The following TRPM5 variants were observed in gnomAD, a reference collection of about 807,000 sequenced individuals.
TRPM5 encodes transient receptor potential cation channel subfamily M member 5, also known as MLSN1 and TRP-related.
In TRPM5, 121 loss-of-function variants were observed where a neutral mutation model predicts 124.9. The observed-to-expected ratio is 0.97, with a 90% CI of 0.84 to 1.13. The LOEUF (loss-of-function observed/expected upper bound fraction) is 1.13, where lower values mean the gene tolerates loss of function less well. TRPM5 is among the 50% of genes most tolerant of loss of function. The pLI, the probability that TRPM5 is intolerant of heterozygous loss-of-function variation, is 0.00. For missense variants in TRPM5, 1,643 were observed against 1,589.1 expected (o/e 1.03, Z -0.58); for synonymous variants, 781 against 700.5 (o/e 1.11, Z -1.81).
At chr11:2,424,793 T>C (rs1008378605), upstream of TRPM5, among the ~76,000 whole-genome samples, 1 of 152,142 alleles carries the variant, frequency 6.6e-6, no homozygotes, top group Non-Finnish European at 1.5e-5. Context: ...GATGCCCAGC[T>C]CAGGCTGGTT....
the TRPM5 span, among the ~76,000 whole-genome samples, chr11:2,441,624 C>T: frequency 6.6e-6 from 1 of 152,200 alleles, no homozygotes; most frequent in Non-Finnish European, 1.5e-5. This position sits in a 1 kb window ranked among gnomAD's most constrained non-coding sequence, Gnocchi z 7.2. Context: ...GAGCAGCAGG[C>T]TGTGGCACAG....
At chr11:2,414,413 G>GC (rs1160124896) in intron 11 of TRPM5, among the ~76,000 whole-genome samples, 2 of 152,160 alleles carry the variant, frequency 1.3e-5, no homozygotes, top group Non-Finnish European at 2.9e-5. Context: ...CCCTCCCCCA[G>GC]CAGGACAAAG....
the TRPM5 span, among the ~76,000 whole-genome samples, chr11:2,437,393 C>G: frequency 3.9e-5 from 6 of 152,096 alleles, no homozygotes; most frequent in African/African-American, 1.4e-4. This position sits in a 1 kb window ranked among gnomAD's most constrained non-coding sequence, Gnocchi z 5.6. Context: ...TGCATGTGGA[C>G]CTGCTTCTGG....
intron 18 of TRPM5, among the ~76,000 whole-genome samples, chr11:2,408,323 G>T (rs1173047728): frequency 6.6e-6 from 1 of 152,226 alleles, no homozygotes; most frequent in South Asian, 2.1e-4. Flanking sequence ...AGCCTCTGCT[G>T]TTGAAGGTTT....
chr11:2,435,774 CATCT>C, the TRPM5 span, among the ~76,000 whole-genome samples: 1 of 152,200 alleles, frequency 6.6e-6, no homozygotes, highest in African/African-American at 2.4e-5. This position sits in a 1 kb window ranked among gnomAD's most constrained non-coding sequence, Gnocchi z 4.1. Context: ...CCCATCCATC[CATCT>C]GTCCATCTCT....
At chr11:2,418,052 C>T (rs1222652094) in intron 6 of TRPM5, 115 bp downstream of exon 11, 29 of 1,090,872 alleles carry the variant, frequency 2.7e-5, no homozygotes, top group Non-Finnish European at 3.7e-5. Context: ...GTGGGGGGCC[C>T]AGCAGCCTGA....
intron 13 of TRPM5, 121 bp from the exon 19 acceptor site, chr11:2,413,347 C>T: frequency 7.6e-7 from 1 of 1,310,670 alleles, no homozygotes; most frequent in East Asian, 2.5e-5. Context: ...GTGGGACCCG[C>T]AGGGAGGCTG....
chr11:2,427,055 C>T (rs1311998944), upstream of TRPM5, among the ~76,000 whole-genome samples: 1 of 152,242 alleles, frequency 6.6e-6, no homozygotes. Context: ...GCTGGCCCTC[C>T]TGCCCAGACC....
chr11:2,429,691 AGATGTTGGT>A, the TRPM5 span, among the ~76,000 whole-genome samples: 2 of 144,518 alleles, frequency 1.4e-5, no homozygotes, highest in Non-Finnish European at 3.1e-5. The surrounding 1 kb of genome is among the most constrained non-coding windows in gnomAD (Gnocchi z 8.4). Context: ...GGGATGGTTC[AGATGTTGGT>A]GATGGTGGTG....
At chr11:2,420,460 C>T in intron 3 of TRPM5, 55 bp from the exon 9 acceptor site, 1 of 1,388,416 alleles carries the variant, frequency 7.2e-7, no homozygotes, top group Non-Finnish European at 9.7e-7. Context: ...TTGGGCTGGT[C>T]CCGCTGCGGG....
intron 22 of TRPM5, 119 bp downstream of exon 27, chr11:2,405,900 G>T: frequency 2.1e-6 from 2 of 968,066 alleles, no homozygotes; most frequent in Non-Finnish European, 3.2e-6. Context: ...GGGTGCTCCT[G>T]TCCTGGCTCT....
At chr11:2,413,049 G>A (rs375488437) in intron 14 of TRPM5, 37 bp from the exon 20 acceptor site, 26 of 1,566,596 alleles carry the variant, frequency 1.7e-5, no homozygotes, top group South Asian at 8.2e-5. Flanking sequence ...TGAGGCTGGC[G>A]CCCAGCCGGG....
At position 2,412,151 on chromosome 11, in the gene TRPM5, C is replaced by A. The variant is rs780650279; in HGVS notation, c.2458G>T (p.Val820Leu). 3 of 1,613,272 alleles carry A rather than the reference C, an allele frequency of 1.9e-6. No homozygotes were observed. In the African/African-American group the frequency reaches 4.0e-5, roughly 22 times the overall value. The change falls in exon 16 of 24, where the codon GTG becomes TTG. Residue 820 changes from valine to leucine, a missense_variant. Val to Leu is a conservative substitution (Grantham distance 32). Coordinates refer to ENST00000155858, the Ensembl canonical transcript of TRPM5. ...CCCACAGACCTGCAGGTGACACCCA[C>A]GATGAACAGGAAGATGGCCACCATG...
chr11:2,425,471 A>G (rs1048966270), upstream of TRPM5, among the ~76,000 whole-genome samples: 2 of 152,138 alleles, frequency 1.3e-5, no homozygotes, highest in Admixed American at 6.5e-5. Context: ...CTTCATCTTC[A>G]TGGTGCGCCA....
chr11:2,414,122 G>A, exon 12 of TRPM5: 1 of 1,603,446 alleles, frequency 6.2e-7, no homozygotes, highest in Non-Finnish European at 8.5e-7. Flanking sequence ...GTGCAGGCAG[G>A]TGGTCTTGCT....
chr11:2,443,501 C>T, the TRPM5 span, among the ~76,000 whole-genome samples: 2 of 152,204 alleles, frequency 1.3e-5, no homozygotes, highest in African/African-American at 2.4e-5. This position sits in a 1 kb window ranked among gnomAD's most constrained non-coding sequence, Gnocchi z 5.0. Flanking sequence ...ATCACAGCGC[C>T]CAGCACAAGC....
upstream of TRPM5, among the ~76,000 whole-genome samples, chr11:2,427,840 G>T (rs1028900967): frequency 6.6e-6 from 1 of 152,102 alleles, no homozygotes; most frequent in Non-Finnish European, 1.5e-5. Context: ...GTCTCATGCC[G>T]GGGTGCTGGG....
At chr11:2,430,025 T>G in the TRPM5 span, among the ~76,000 whole-genome samples, 3 of 149,160 alleles carry the variant, frequency 2.0e-5, no homozygotes, top group African/African-American at 7.5e-5. Context: ...TCCTGGTCCT[T>G]CCCTCCACCT....
chr11:2,431,065 T>C, the TRPM5 span, among the ~76,000 whole-genome samples: 96 of 152,250 alleles, frequency 6.3e-4, no homozygotes, highest in African/African-American at 2.2e-3. Flanking sequence ...CTCCAGGTAC[T>C]CCCAAAGTAG....
Sources: gnomAD v4.1 joint callset for allele counts (sites outside exome capture counted in the v4.1 genomes callset) on GRCh38, gnomAD v4.1.1 for gene constraint, Gnocchi (gnomAD v3.1) non-coding constraint, MANE v1.5 for transcripts, NCBI Gene and HGNC (gene_info 2026-07-23, HGNC 2026-07-21) for gene names.